PSD2: variants seen among roughly 807,000 people sequenced by gnomAD.
PSD2 encodes the protein pleckstrin and Sec7 domain containing 2.
A neutral mutation model predicts 69.8 loss-of-function variants in PSD2; 38 were observed. That is an observed-to-expected ratio of 0.54 (90% CI 0.42 to 0.71). The LOEUF is 0.71. Among genes scored for constraint, PSD2 ranks in the 30% least tolerant of loss-of-function variants. The pLI is 0.00. For missense variants in PSD2, 943 were observed against 1,014.5 expected, an observed-to-expected ratio of 0.93 and a Z score of 0.96; for synonymous variants, 412 against 423.0, an observed-to-expected ratio of 0.97 and a Z score of 0.32.
At position 139,809,633 on chromosome 5, in the gene PSD2, G is replaced by A; in HGVS notation, c.193G>A (p.Asp65Asn). ...CACTGAGGAACCCACGAAGGACCCAGATGTGGCCTTCCATGGCCTCAGCCT... is the reference window on the plus strand; with the variant it reads ...CACTGAGGAACCCACGAAGGACCCAAATGTGGCCTTCCATGGCCTCAGCCT... The part of the protein sequence containing the change: ...ADTEEPTKDP[D>N]VAFHGLSLGL... The change falls in exon 2 of 15, where the codon GAT becomes AAT. Residue 65 changes from aspartate (D) to asparagine (N), a missense_variant. This residue lies in a region of PSD2 where 466 missense variants were observed against 445.0 expected (regional missense o/e 1.05). Transcript: ENST00000274710. The A allele has an allele frequency of 6.2e-7, 1 of 1,614,272 alleles. No homozygotes were observed. Among genetic ancestry groups the A allele is most frequent in the Non-Finnish European group, 8.5e-7 (1 of 1,180,044 alleles).
chr5:139,777,743 T>G, the PSD2 span, among the ~76,000 whole-genome samples: 1 of 152,128 alleles, frequency 6.6e-6, no homozygotes, highest in East Asian at 1.9e-4. Flanking sequence ...ATTAGCTGCG[T>G]GTGGTGGCAC....
At chr5:139,786,547 T>G in the PSD2 span, among the ~76,000 whole-genome samples, 1 of 152,196 alleles carries the variant, frequency 6.6e-6, no homozygotes. Context: ...CCCATTTTCC[T>G]TTGGGACAAA....
chr5:139,760,806 C>T, the PSD2 span, among the ~76,000 whole-genome samples: 6 of 152,300 alleles, frequency 3.9e-5, no homozygotes, highest in South Asian at 2.1e-4. Flanking sequence ...ACAAGAGCCA[C>T]AAGCCTGCTG....
the PSD2 span, among the ~76,000 whole-genome samples, chr5:139,770,320 G>A: frequency 6.6e-6 from 1 of 152,206 alleles, no homozygotes; most frequent in Non-Finnish European, 1.5e-5. Context: ...ACTTTGGGGA[G>A]CTGAGGCAGG....
the PSD2 span, among the ~76,000 whole-genome samples, chr5:139,771,087 A>G: frequency 6.6e-6 from 1 of 152,384 alleles, no homozygotes; most frequent in East Asian, 1.9e-4. Context: ...AGCTTTATAT[A>G]TCTCTAGGTA....
the PSD2 span, among the ~76,000 whole-genome samples, chr5:139,742,747 T>A: frequency 6.6e-6 from 1 of 152,226 alleles, no homozygotes; most frequent in Middle Eastern, 3.4e-3. Context: ...TGCCACATTG[T>A]GTGTGAATGA....
At position 139,837,774 on chromosome 5, in the gene PSD2, C is replaced by T. The variant is rs750385116; in HGVS notation, c.1815C>T (p.Phe605=). 1 of 1,610,108 alleles carries T rather than the reference C, an allele frequency of 6.2e-7. No individual in the cohort carries two copies. Among genetic ancestry groups the T allele is most frequent in the South Asian group, 1.1e-5 (1 of 90,758 alleles). The change falls in exon 12 of 15, where the codon TTC becomes TTT. Residue 605 remains phenylalanine (F), a synonymous_variant. Transcript: ENST00000274710. The surrounding 1 kb of genome is among the most constrained non-coding windows in gnomAD (Gnocchi z 5.0). ...CAGCCGACTGGAGGGTATTCCTCTT[C>T]CAGGCACCGTGAGTAGGAGCTGGAG... The part of the protein sequence containing the change: ...LKTADWRVFL[F]QAPSKEEMLS...
chr5:139,800,906 A>G (rs1416622113), intron 1 of PSD2, among the ~76,000 whole-genome samples: 3 of 152,018 alleles, frequency 2.0e-5, no homozygotes, highest in South Asian at 2.1e-4. Context: ...TATTTCTTTT[A>G]TCTTAAAAAT....
At chr5:139,818,486 C>T (rs1434282078) in intron 5 of PSD2, among the ~76,000 whole-genome samples, 1 of 152,112 alleles carries the variant, frequency 6.6e-6, no homozygotes, top group African/African-American at 2.4e-5. Flanking sequence ...GTTGAGGCTA[C>T]AGTAAGCCAT....
the PSD2 span, among the ~76,000 whole-genome samples, chr5:139,777,140 G>T: frequency 6.6e-6 from 1 of 152,196 alleles, no homozygotes; most frequent in Non-Finnish European, 1.5e-5. Flanking sequence ...CTTAAGTGGT[G>T]CCAGTTCCCT....
chr5:139,800,505 G>A (rs1010830220), intron 1 of PSD2, among the ~76,000 whole-genome samples: 6 of 152,156 alleles, frequency 3.9e-5, no homozygotes, highest in South Asian at 4.1e-4. Context: ...CAAGTGATCC[G>A]CCCTCCTCGG....
chr5:139,760,611 T>C, the PSD2 span, among the ~76,000 whole-genome samples: 4 of 152,192 alleles, frequency 2.6e-5, no homozygotes, highest in Non-Finnish European at 5.9e-5. Context: ...CTGCTGCTGA[T>C]TCTGGCTCAC....
At position 139,802,644 on chromosome 5, in the gene PSD2, C is replaced by T. The variant is rs115454069; in HGVS notation, c.-51+6669C>T. On this transcript the variant is annotated intron_variant, in intron 1 of 14. Coordinates refer to ENST00000274710, the MANE Select transcript of PSD2 (RefSeq NM_032289.4). ...TTGTGGTTCCTGATAACTGAGGGTTCACCCCGTAGGGAAGTCAGTTGGGCA... is the reference window on the plus strand; with the variant it reads ...TTGTGGTTCCTGATAACTGAGGGTTTACCCCGTAGGGAAGTCAGTTGGGCA... Among the ~76,000 whole-genome samples, 1,518 of 152,200 alleles carry T rather than the reference C, an allele frequency of 1.0e-2. 25 individuals are homozygous for T. The highest frequency in any genetic ancestry group is 0.035 in the African/African-American group (1,450 of 41,516).
chr5:139,781,621 C>T, the PSD2 span, among the ~76,000 whole-genome samples: 1 of 150,388 alleles, frequency 6.6e-6, no homozygotes, highest in Non-Finnish European at 1.5e-5. Flanking sequence ...AGGTGTGAGC[C>T]ACGGCGCCTG....
At chr5:139,803,773 G>A (rs1339151003) in intron 1 of PSD2, among the ~76,000 whole-genome samples, 1 of 152,216 alleles carries the variant, frequency 6.6e-6, no homozygotes, top group Admixed American at 6.5e-5. Flanking sequence ...AGGCTCCTGG[G>A]TGGGCGTCCC....
chr5:139,822,652 C>T (rs569900993), intron 6 of PSD2, 74 bp from the exon 7 acceptor site: 70 of 1,382,854 alleles, frequency 5.1e-5, no homozygotes, highest in South Asian at 2.9e-4. Flanking sequence ...GGTCTCCTGA[C>T]GGGTTCCGTC....
the PSD2 span, among the ~76,000 whole-genome samples, chr5:139,759,067 G>A: frequency 6.6e-6 from 1 of 152,098 alleles, no homozygotes. Flanking sequence ...TCTAGGGGTG[G>A]TGCAGGCCAC....
chr5:139,840,925 C>T (rs1000847091), intron 14 of PSD2, among the ~76,000 whole-genome samples: 3 of 152,094 alleles, frequency 2.0e-5, no homozygotes, highest in African/African-American at 7.2e-5. Flanking sequence ...TTACCATCTT[C>T]ACCATTTTTA....
chr5:139,826,140 C>T (rs1156800044), intron 7 of PSD2, among the ~76,000 whole-genome samples: 1 of 152,114 alleles, frequency 6.6e-6, no homozygotes, highest in East Asian at 1.9e-4. Flanking sequence ...GTGGGATGGT[C>T]AAGGTCATTG....
Sources: gnomAD v4.1 joint callset for allele counts (sites outside exome capture counted in the v4.1 genomes callset) on GRCh38, gnomAD v4.1.1 for gene constraint, gnomAD v4.1.1 regional missense constraint, Gnocchi (gnomAD v3.1) non-coding constraint, MANE v1.5 for transcripts, NCBI Gene and HGNC (gene_info 2026-07-23, HGNC 2026-07-21) for gene names.